ADGRD2: variants seen among roughly 807,000 people sequenced by gnomAD.
ADGRD2 encodes G protein-coupled receptor PGR24.
Under a neutral mutation model 44.4 loss-of-function variants are expected in ADGRD2, and 71 were observed. The observed-to-expected ratio is 1.60, with a 90% CI of 1.32 to 1.95. The LOEUF (loss-of-function observed/expected upper bound fraction) is 1.95, where lower values mean the gene tolerates loss of function less well. Among genes scored for constraint, ADGRD2 ranks in the 30% most tolerant of loss-of-function variants. The pLI is 0.00. For missense variants in ADGRD2, 1,039 were observed against 512.4 expected, an observed-to-expected ratio of 2.03 and a Z score of -9.92; for synonymous variants, 481 against 224.8, an observed-to-expected ratio of 2.14 and a Z score of -10.19.
At chr9:124,475,590 G>T in exon 19 of ADGRD2, 1 of 707,876 alleles carries the variant, frequency 1.4e-6, no homozygotes, top group Non-Finnish European at 2.6e-6. Flanking sequence ...GCCCTGCAGA[G>T]GATGGCTGAG....
chr9:124,457,349 G>C (rs541025936), intron 7 of ADGRD2, 123 bp from the exon 11 acceptor site: 17 of 454,112 alleles, frequency 3.7e-5, no homozygotes, highest in African/African-American at 2.5e-4. Context: ...GAACCTCTCT[G>C]AGCAGGAATG....
chr9:124,475,379 C>A, intron 17 of ADGRD2, 67 bp from the exon 21 acceptor site: 1 of 679,576 alleles, frequency 1.5e-6, no homozygotes, highest in Non-Finnish European at 2.7e-6. Flanking sequence ...GGACCCCAGG[C>A]AAGGCCAGGC....
At position 124,468,391 on chromosome 9, in the gene ADGRD2, T is replaced by C. The variant is rs1831874279; in HGVS notation, c.2234-128T>C. On this transcript the variant is annotated intron_variant, in intron 13 of 21. Coordinates refer to ENST00000334810, the Ensembl canonical transcript of ADGRD2. ...CCGAATGGTGGAGCGGGGCCCAGGCTGCTACCCAGAGGCCTCACCCACTGA... is the reference window on the plus strand; with the variant it reads ...CCGAATGGTGGAGCGGGGCCCAGGCCGCTACCCAGAGGCCTCACCCACTGA... 1.0e-5 allele frequency: 7 copies of C among 690,658 alleles called. 1 individual carries two copies. Among genetic ancestry groups the C allele is most frequent in the Middle Eastern group, 3.0e-4 (1 of 3,350 alleles). The allele number at this position is 690,658 out of a possible 1,614,324, so 42.8% of individuals were successfully genotyped here.
intron 10 of ADGRD2, among the ~76,000 whole-genome samples, chr9:124,460,072 A>G (rs1831697882): frequency 7.7e-6 from 1 of 130,152 alleles, no homozygotes; most frequent in African/African-American, 3.3e-5. Context: ...TTTGCTCACA[A>G]CCAGTAATCT....
upstream of ADGRD2, among the ~76,000 whole-genome samples, chr9:124,450,809 G>A (rs1391228434): frequency 4.6e-5 from 7 of 152,252 alleles, no homozygotes; most frequent in African/African-American, 1.7e-4. Context: ...AGGGAAAAGG[G>A]GTGAATGATC....
chr9:124,472,720 T>A (rs747373488), intron 17 of ADGRD2, among the ~76,000 whole-genome samples: 1 of 152,090 alleles, frequency 6.6e-6, no homozygotes, highest in Non-Finnish European at 1.5e-5. Context: ...GTTGCCCAGG[T>A]TGGTCTTGAA....
intron 10 of ADGRD2, chr9:124,465,634 GAACCACCA>G (rs1831806295): frequency 6.6e-6 from 1 of 152,118 alleles, no homozygotes; most frequent in African/African-American, 2.4e-5. Flanking sequence ...TTACAGGTGT[GAACCACCA>G]AACCCAGCCG....
chr9:124,466,026 GTAAT>G (rs764018159), intron 10 of ADGRD2: 6 of 354,354 alleles, frequency 1.7e-5, no homozygotes, highest in East Asian at 8.7e-5. Context: ...CAGTGGCTCA[GTAAT>G]TAATTAAGTT....
At chr9:124,455,995 G>C (rs1831608760) in intron 6 of ADGRD2, among the ~76,000 whole-genome samples, 1 of 152,224 alleles carries the variant, frequency 6.6e-6, no homozygotes, top group Admixed American at 6.5e-5. Flanking sequence ...AACACAGGAG[G>C]CTGGTTCTAT....
Position 124,475,551 on chromosome 9 carries a change from A to T in ADGRD2, c.2801-20A>T, listed in dbSNP as rs1412671679. 1 of 711,226 alleles carries T rather than the reference A, an allele frequency of 1.4e-6. No individual in the cohort carries two copies. The highest frequency in any genetic ancestry group is 2.7e-5 in the East Asian group (1 of 36,702). The allele number at this position is 711,226 out of a possible 1,614,324, so 44.1% of individuals were successfully genotyped here. The stretch of plus-strand genomic sequence containing the variant: ...AGGGGTAGGGAGGGTCCCCAGCCTG[A>T]CCTCCAAGTATTCCCCCAGGTGCGG... On this transcript the variant is annotated intron_variant, in intron 18 of 21. Coordinates refer to ENST00000334810, the Ensembl canonical transcript of ADGRD2.
At chr9:124,460,992 T>C (rs183530484) in intron 10 of ADGRD2, among the ~76,000 whole-genome samples, 1 of 152,346 alleles carries the variant, frequency 6.6e-6, no homozygotes, top group Non-Finnish European at 1.5e-5. Context: ...ATGTCATTCA[T>C]TATAATAGTC....
intron 11 of ADGRD2, 68 bp from the exon 15 acceptor site, chr9:124,467,653 G>C: frequency 1.4e-6 from 1 of 707,424 alleles, no homozygotes; most frequent in South Asian, 1.5e-5. Context: ...GAGTCACCAG[G>C]TGGGGCGAGT....
At chr9:124,463,825 A>G (rs1160460613) in intron 10 of ADGRD2, among the ~76,000 whole-genome samples, 1 of 151,844 alleles carries the variant, frequency 6.6e-6, no homozygotes, top group Admixed American at 6.6e-5. Context: ...AATTTTGCTT[A>G]TATTTTTATT....
intron 6 of ADGRD2, 65 bp downstream of exon 9, chr9:124,455,192 G>A (rs1831592211): frequency 3.2e-6 from 2 of 616,588 alleles, no homozygotes; most frequent in African/African-American, 3.7e-5. Context: ...CCACCAGCTG[G>A]TTGTGTAGCT....
At chr9:124,450,944 T>G (rs1371522973), upstream of ADGRD2, among the ~76,000 whole-genome samples, 1 of 152,178 alleles carries the variant, frequency 6.6e-6, no homozygotes, top group Non-Finnish European at 1.5e-5. Context: ...CTTCCCTGCC[T>G]GCAGAGCCCC....
At chr9:124,475,797 C>T (rs994378359) in intron 19 of ADGRD2, among the ~76,000 whole-genome samples, 182 bp downstream of exon 22, 1 of 152,188 alleles carries the variant, frequency 6.6e-6, no homozygotes, top group Non-Finnish European at 1.5e-5. Context: ...CCCGGAGACA[C>T]GTGGCTCTCA....
chr9:124,474,419 T>C (rs1832007812), intron 17 of ADGRD2, among the ~76,000 whole-genome samples: 2 of 151,210 alleles, frequency 1.3e-5, no homozygotes, highest in Non-Finnish European at 2.9e-5. Flanking sequence ...TAGAAGGAAA[T>C]GGGATGGAGA....
At position 124,456,614 on chromosome 9, in the gene ADGRD2, C is replaced by T; in HGVS notation, c.1394-8C>T. The T allele has an allele frequency of 1.4e-6, 1 of 718,176 alleles. No homozygotes were observed. The allele number at this position is 718,176 out of a possible 1,614,324, so 44.5% of individuals were successfully genotyped here. A position where few individuals can be genotyped will look rare whatever the true frequency, so the allele number is the denominator to read the frequency against. On this transcript the variant is annotated splice_polypyrimidine_tract_variant and splice_region_variant and intron_variant, in intron 6 of 21. Transcript: ENST00000334810. Reference sequence around the variant, plus strand: ...GTGACAGAGAGCTGAGATGCAGCGTCCTCCCAGGTGATTGGTGGGCCTATG... The same window carrying T: ...GTGACAGAGAGCTGAGATGCAGCGTTCTCCCAGGTGATTGGTGGGCCTATG...
intron 16 of ADGRD2, 91 bp from the exon 20 acceptor site, chr9:124,470,403 C>T: frequency 1.6e-6 from 1 of 634,676 alleles, no homozygotes; most frequent in Admixed American, 2.3e-5. Flanking sequence ...CCACCCCGCT[C>T]CAGGCACGTA....
Sources: allele counts gnomAD v4.1 joint callset (sites outside exome capture counted in the v4.1 genomes callset), GRCh38; gene constraint gnomAD v4.1.1; transcripts MANE v1.5; gene names NCBI Gene and HGNC (gene_info 2026-07-23, HGNC 2026-07-21).